Variants in ABHD17C observed in about 807,000 individuals in gnomAD.
ABHD17C encodes alpha/beta hydrolase domain-containing protein 17C.
A neutral mutation model predicts 27.9 loss-of-function variants in ABHD17C; 11 were observed. That is an observed-to-expected ratio of 0.39 (90% CI 0.25 to 0.65). ABHD17C has a LOEUF of 0.65. ABHD17C is among the 30% of genes least tolerant of loss of function. ABHD17C has a pLI of 0.45. For synonymous variants in ABHD17C, 233 were observed against 209.1 expected, an observed-to-expected ratio of 1.11 and a Z score of -0.98; for missense variants, 280 against 470.2, an observed-to-expected ratio of 0.60 and a Z score of 3.74.
intron 1 of ABHD17C, among the ~76,000 whole-genome samples, chr15:80,706,370 C>T (rs148166110): frequency 1.3e-5 from 2 of 152,176 alleles, no homozygotes; most frequent in Admixed American, 6.5e-5. Flanking sequence ...AACGGTTGTA[C>T]GTCAATTACT....
chr15:80,712,169 G>C (rs970160225), intron 1 of ABHD17C, among the ~76,000 whole-genome samples: 1 of 152,194 alleles, frequency 6.6e-6, no homozygotes, highest in Admixed American at 6.5e-5. Context: ...GTTGGAATGT[G>C]ATCTCCTTGA....
At chr15:80,708,166 G>A (rs1374150357) in intron 1 of ABHD17C, among the ~76,000 whole-genome samples, 3 of 152,094 alleles carry the variant, frequency 2.0e-5, no homozygotes, top group African/African-American at 2.4e-5. Context: ...TCAGCCACAC[G>A]TTTCTATTAC....
chr15:80,711,809 A>G (rs969527978), intron 1 of ABHD17C, among the ~76,000 whole-genome samples: 23 of 152,286 alleles, frequency 1.5e-4, no homozygotes, highest in African/African-American at 4.6e-4. Context: ...TACATTTGCT[A>G]AAGAACTGCA....
rs149023760 is a variant in ABHD17C, at chr15:80,696,538, A to C, written c.590+519A>C. Among the ~76,000 whole-genome samples, 99 of 152,316 alleles carry C rather than the reference A, an allele frequency of 6.5e-4. 2 individuals are homozygous for C. In the East Asian group the frequency reaches 0.019, roughly 29 times the overall value. On this transcript the variant is annotated intron_variant, in intron 1 of 2. Coordinates refer to ENST00000258884, the MANE Select transcript of ABHD17C (RefSeq NM_021214.2). ...ACAATGTCTGGGCAACCTTGGAAAC[A>C]GCTGGAGCGTCAGGTGGAGCGGGGA...
intron 1 of ABHD17C, among the ~76,000 whole-genome samples, chr15:80,719,577 T>C (rs1362375312): frequency 6.6e-6 from 1 of 152,232 alleles, no homozygotes; most frequent in Non-Finnish European, 1.5e-5. Context: ...TCAGCAAATA[T>C]CATTACTATG....
rs148128526 is a variant in ABHD17C at position 80,754,728 on chromosome 15, A to G, written c.*358A>G. 118 of 182,916 alleles carry G rather than the reference A, an allele frequency of 6.5e-4. 1 individual carries two copies. Among genetic ancestry groups the G allele is most frequent in the African/African-American group, 2.4e-3 (101 of 42,558 alleles). The allele number at this position is 182,916 out of a possible 1,614,324, so 11.3% of individuals were successfully genotyped here. A position where few individuals can be genotyped will look rare whatever the true frequency, so the allele number is the denominator to read the frequency against. ...TGCAGGACTTGCCCTGTTGCCACCAATGTTCTCGGTATTTCACATGCAGCT... is the reference window on the plus strand; with the variant it reads ...TGCAGGACTTGCCCTGTTGCCACCAGTGTTCTCGGTATTTCACATGCAGCT... On this transcript the variant is annotated 3_prime_UTR_variant, in exon 3 of 3. Coordinates refer to ENST00000258884, the MANE Select transcript of ABHD17C (RefSeq NM_021214.2).
chr15:80,740,023 GGTTT>G (rs1895187320), intron 1 of ABHD17C, among the ~76,000 whole-genome samples: 2 of 152,082 alleles, frequency 1.3e-5, no homozygotes, highest in African/African-American at 4.8e-5. Context: ...TCAGTGCCTG[GGTTT>G]GTTTTCATTT....
chr15:80,736,289 C>T (rs1370583981), intron 1 of ABHD17C, among the ~76,000 whole-genome samples: 1 of 151,996 alleles, frequency 6.6e-6, no homozygotes, highest in Admixed American at 6.6e-5. Context: ...TTTGACAGTT[C>T]CTCAAAACAA....
chr15:80,726,875 T>C (rs1894988153), intron 1 of ABHD17C, among the ~76,000 whole-genome samples: 1 of 152,240 alleles, frequency 6.6e-6, no homozygotes, highest in South Asian at 2.1e-4. Context: ...TGCCATAGCT[T>C]TCATTTACTT....
Position 80,754,801 on chromosome 15 carries a change from G to T in ABHD17C, c.*431G>T. On this transcript the variant is annotated 3_prime_UTR_variant, in exon 3 of 3. Transcript: ENST00000258884. ...GGGTTCAATCCATTTGTGAAGCTGT[G>T]ATAGTGTAACTGGAAAGCTAGTGTG... The T allele has an allele frequency of 6.4e-6, 1 of 157,278 alleles. No individual in the cohort carries two copies. Among genetic ancestry groups the T allele is most frequent in the East Asian group, 1.8e-4 (1 of 5,418 alleles). 9.7% of individuals were successfully genotyped at this position (157,278 alleles called of 1,614,324 possible). A position where few individuals can be genotyped will look rare whatever the true frequency, so the allele number is the denominator to read the frequency against.
chr15:80,724,124 G>A (rs190388515), intron 1 of ABHD17C, among the ~76,000 whole-genome samples: 2 of 152,024 alleles, frequency 1.3e-5, no homozygotes, highest in East Asian at 1.9e-4. Context: ...GGTTGCTTGA[G>A]TCCAAAAATT....
chr15:80,753,657 C>G (rs145261622), intron 2 of ABHD17C, among the ~76,000 whole-genome samples: 10 of 152,172 alleles, frequency 6.6e-5, no homozygotes, highest in Non-Finnish European at 1.3e-4. Context: ...TCTCCTGCCT[C>G]GGTCTTCCGA....
intron 1 of ABHD17C, among the ~76,000 whole-genome samples, chr15:80,706,702 A>T: frequency 6.6e-6 from 1 of 152,222 alleles, no homozygotes; most frequent in East Asian, 1.9e-4. Context: ...GGAGACTGTC[A>T]TGGACATAAC....
intron 1 of ABHD17C, among the ~76,000 whole-genome samples, chr15:80,699,419 C>CA (rs906448691): frequency 6.6e-4 from 96 of 145,002 alleles, no homozygotes; most frequent in East Asian, 2.0e-3. Context: ...CAACCATAGA[C>CA]AAAAAAAAAA....
rs537447053 is a variant in ABHD17C at position 80,707,207 on chromosome 15, AG to A, written c.590+11192del. 2.2e-4 allele frequency among the ~76,000 whole-genome samples: 34 copies of A among 152,328 alleles called. No homozygotes were observed. The South Asian group carries it at 6.8e-3, about 31-fold the overall frequency. On this transcript the variant is annotated intron_variant, in intron 1 of 2. Transcript: ENST00000258884. ...GCATATTCTTATATATCTACTTCTTAGGGGAAAGGGAAATGGGAAAGTGTGG... is the reference window on the plus strand; with the variant it reads ...GCATATTCTTATATATCTACTTCTTAGGGAAAGGGAAATGGGAAAGTGTGG...
At chr15:80,727,837 G>A (rs963175183) in intron 1 of ABHD17C, among the ~76,000 whole-genome samples, 10 of 152,102 alleles carry the variant, frequency 6.6e-5, no homozygotes, top group Admixed American at 3.9e-4. Flanking sequence ...GGAAGGGCTG[G>A]GGTGACATCC....
intron 1 of ABHD17C, among the ~76,000 whole-genome samples, chr15:80,735,710 C>T (rs8040346): frequency 0.026 from 4,035 of 152,302 alleles, 203 homozygotes; most frequent in African/African-American, 0.091. Context: ...TTGAGCTCCA[C>T]CTTCTACCTG....
chr15:80,738,790 G>T (rs904809969), intron 1 of ABHD17C, among the ~76,000 whole-genome samples: 14 of 152,138 alleles, frequency 9.2e-5, no homozygotes, highest in Non-Finnish European at 1.9e-4. Flanking sequence ...AAGAAAGGAA[G>T]GGTGGGGAGG....
intron 1 of ABHD17C, among the ~76,000 whole-genome samples, chr15:80,721,887 C>G (rs1031122138): frequency 6.6e-6 from 1 of 152,116 alleles, no homozygotes; most frequent in African/African-American, 2.4e-5. Context: ...ATAAGGATGA[C>G]TTTCCTTGAG....
Sources: gnomAD v4.1 joint callset for allele counts (sites outside exome capture counted in the v4.1 genomes callset) on GRCh38, gnomAD v4.1.1 for gene constraint, MANE v1.5 for transcripts, NCBI Gene and HGNC (gene_info 2026-07-23, HGNC 2026-07-21) for gene names.